KLHL30: variants seen among roughly 807,000 people sequenced by gnomAD.
KLHL30 encodes kelch-like protein 30.
KLHL30 carries 55 observed loss-of-function variants against 55.0 expected under a neutral mutation model. The observed-to-expected ratio is 1.00, with a 90% CI of 0.80 to 1.25. The LOEUF (loss-of-function observed/expected upper bound fraction) is 1.25. Among genes scored for constraint, KLHL30 ranks in the 50% most tolerant of loss-of-function variants. The pLI, the probability that KLHL30 is intolerant of heterozygous loss-of-function variation, is 0.00. For missense variants in KLHL30, 786 were observed against 811.6 expected (o/e 0.97, Z 0.38); for synonymous variants, 356 against 372.6 (o/e 0.96, Z 0.51).
At chr2:238,145,913 G>A (rs989709353) in intron 5 of KLHL30, 81 bp downstream of exon 5, 3 of 1,424,520 alleles carry the variant, frequency 2.1e-6, no homozygotes, top group African/African-American at 2.9e-5. Context: ...AGAGCCCCAT[G>A]CTGGCCTCGG....
At position 238,152,026 on chromosome 2, in the gene KLHL30, C is replaced by G; in HGVS notation, c.*961C>G. Reference sequence around the variant, plus strand: ...ATCCTGAATGAGGCACCCACCTTTGCAGCTAAGGAGACAATGAAGGACTCT... The same window carrying G: ...ATCCTGAATGAGGCACCCACCTTTGGAGCTAAGGAGACAATGAAGGACTCT... On this transcript the variant is annotated 3_prime_UTR_variant, in exon 8 of 8. Transcript: ENST00000409223. 6.1e-6 allele frequency: 6 copies of G among 985,486 alleles called. No homozygotes were observed. The highest frequency in any genetic ancestry group is 7.2e-6 in the Non-Finnish European group (6 of 829,982). The allele number at this position is 985,486 out of a possible 1,614,324, so 61.0% of individuals were successfully genotyped here.
At position 238,144,448 on chromosome 2, in the gene KLHL30, C is replaced by A. The variant is rs374616486; in HGVS notation, c.908-454C>A. On this transcript the variant is annotated intron_variant, in intron 3 of 7. Transcript: ENST00000409223. ...GAAGGAAGGAAGGCAGGCAGGCAGG[C>A]AGGCAGGCAGGCAGGCAGGCAGGCA... Among the ~76,000 whole-genome samples, 830 of 103,492 alleles carry A rather than the reference C, an allele frequency of 8.0e-3. 9 individuals are homozygous for A. The highest frequency in any genetic ancestry group is 0.031 in the East Asian group (110 of 3,520). 67.9% of individuals were successfully genotyped at this position (103,492 alleles called of 152,430 possible).
rs893618914 is a variant in KLHL30 at position 238,147,381 on chromosome 2, A to C, written c.1151-453A>C. Among the ~76,000 whole-genome samples the C allele has an allele frequency of 2.0e-5, 3 of 152,010 alleles. No homozygotes were observed. Among genetic ancestry groups the C allele is most frequent in the Non-Finnish European group, 4.4e-5 (3 of 67,964 alleles). On this transcript the variant is annotated intron_variant, in intron 5 of 7. Transcript: ENST00000409223. This position sits in a 1 kb window ranked among gnomAD's most constrained non-coding sequence, Gnocchi z 5.8. ...GCCCAGGCCAGGGCCTGCTCTCCCC[A>C]GGAGGCGTCCCCATCACTGCCACAC...
intron 2 of KLHL30, 48 bp from the exon 3 acceptor site, chr2:238,142,751 C>T (rs928403154): frequency 1.5e-6 from 2 of 1,354,272 alleles, no homozygotes; most frequent in Non-Finnish European, 1.9e-6. Context: ...GGGCTCAGGG[C>T]ATGGGGACAC....
At chr2:238,148,130 C>G in intron 6 of KLHL30, 108 bp downstream of exon 6, 3 of 1,135,556 alleles carry the variant, frequency 2.6e-6, no homozygotes, top group Non-Finnish European at 3.5e-6. Context: ...TAGACGGGGC[C>G]CGGGGTGGAG....
intron 1 of KLHL30, among the ~76,000 whole-genome samples, chr2:238,139,200 G>A (rs750550648): frequency 2.6e-5 from 4 of 152,214 alleles, no homozygotes; most frequent in Non-Finnish European, 4.4e-5. Context: ...GGGAAGTGGG[G>A]GCGCTCATGC....
Position 238,147,158 on chromosome 2 carries a change from AAAG to A in KLHL30, c.1151-673_1151-671del, listed in dbSNP as rs1489320251. On this transcript the variant is annotated intron_variant, in intron 5 of 7. Coordinates refer to ENST00000409223, the MANE Select transcript of KLHL30 (RefSeq NM_198582.4). The surrounding 1 kb of genome is among the most constrained non-coding windows in gnomAD (Gnocchi z 5.8). ...CAAGACCCTGTCTCAAAAAAAAAAA[AAAG>A]AAAGAAAAGAAAAACAAAACACATG... Among the ~76,000 whole-genome samples, 5 of 151,470 alleles carry A rather than the reference AAAG, an allele frequency of 3.3e-5. No individual in the cohort carries two copies. The highest frequency in any genetic ancestry group is 1.2e-4 in the African/African-American group (5 of 41,238).
At position 238,151,761 on chromosome 2, in the gene KLHL30, C is replaced by G. The variant is rs1189674084; in HGVS notation, c.*696C>G. On this transcript the variant is annotated 3_prime_UTR_variant, in exon 8 of 8. Coordinates refer to ENST00000409223, the MANE Select transcript of KLHL30 (RefSeq NM_198582.4). ...ACAGAGGCACCAGGAAGGAGGGAGGCAGGGCGTGGGGCGGGGCTGGAGGGT... is the reference window on the plus strand; with the variant it reads ...ACAGAGGCACCAGGAAGGAGGGAGGGAGGGCGTGGGGCGGGGCTGGAGGGT... The G allele has an allele frequency of 2.3e-6, 1 of 444,440 alleles. No individual in the cohort carries two copies. The highest frequency in any genetic ancestry group is 1.6e-4 in the East Asian group (1 of 6,404). 27.5% of individuals were successfully genotyped at this position (444,440 alleles called of 1,614,324 possible). A position where few individuals can be genotyped will look rare whatever the true frequency, so the allele number is the denominator to read the frequency against.
chr2:238,140,740 C>T lies in KLHL30; in HGVS notation c.-15C>T. On this transcript the variant is annotated 5_prime_UTR_variant, in exon 2 of 8. Transcript: ENST00000409223. ...TTGAGTGGGTGGACTACTGAGGTCC[C>T]CTGGGCACGGCGTCATGGTGCGGAA... is the stretch of plus-strand genomic sequence containing the variant. The T allele has an allele frequency of 2.7e-6, 4 of 1,488,564 alleles. No individual in the cohort carries two copies. The highest frequency in any genetic ancestry group is 3.6e-6 in the Non-Finnish European group (4 of 1,111,240). 92.2% of individuals were successfully genotyped at this position (1,488,564 alleles called of 1,614,324 possible).
chr2:238,147,833 G>A lies in KLHL30; in HGVS notation c.1151-1G>A, dbSNP rs1398782185. The A allele has an allele frequency of 2.0e-6, 3 of 1,478,674 alleles. No individual in the cohort carries two copies. Among genetic ancestry groups the A allele is most frequent in the South Asian group, 1.4e-5 (1 of 73,218 alleles). 91.6% of individuals were successfully genotyped at this position (1,478,674 alleles called of 1,614,324 possible). A position where few individuals can be genotyped will look rare whatever the true frequency, so the allele number is the denominator to read the frequency against. On this transcript the variant is annotated splice_acceptor_variant, in intron 5 of 7. Coordinates refer to ENST00000409223, the MANE Select transcript of KLHL30 (RefSeq NM_198582.4). LOFTEE classifies it high-confidence loss of function. This position sits in a 1 kb window ranked among gnomAD's most constrained non-coding sequence, Gnocchi z 5.8. Reference sequence around the variant, plus strand: ...GAACTGCCCCCGCCCTCACCCCACAGGCACCACCCTGGACGTGGTGGAGGT... The same window carrying A: ...GAACTGCCCCCGCCCTCACCCCACAAGCACCACCCTGGACGTGGTGGAGGT...
chr2:238,147,768 GCC>G lies in KLHL30; in HGVS notation c.1151-63_1151-62del, dbSNP rs1692672790. 2.8e-6 allele frequency: 3 copies of G among 1,070,444 alleles called. No individual in the cohort carries two copies. The highest frequency in any genetic ancestry group is 2.5e-6 in the Non-Finnish European group (2 of 794,914). The allele number at this position is 1,070,444 out of a possible 1,614,324, so 66.3% of individuals were successfully genotyped here. On this transcript the variant is annotated intron_variant, in intron 5 of 7. Coordinates refer to ENST00000409223, the MANE Select transcript of KLHL30 (RefSeq NM_198582.4). The surrounding 1 kb of genome is among the most constrained non-coding windows in gnomAD (Gnocchi z 5.8). ...CACTTTGCTGCCTTACAAAGCCCCAGCCCCTGAGTTTCCAGGCCTCCCCTCTC... is the reference window on the plus strand; with the variant it reads ...CACTTTGCTGCCTTACAAAGCCCCAGCCTGAGTTTCCAGGCCTCCCCTCTC...
intron 3 of KLHL30, among the ~76,000 whole-genome samples, chr2:238,143,879 T>C (rs1191056540): frequency 6.6e-6 from 1 of 152,214 alleles, no homozygotes; most frequent in African/African-American, 2.4e-5. Context: ...CTGCCCACAG[T>C]GCCAGGCTCT....
chr2:238,140,734 A>G lies in KLHL30; in HGVS notation c.-21A>G, dbSNP rs1407444482. 4.1e-6 allele frequency: 6 copies of G among 1,479,552 alleles called. No individual in the cohort carries two copies. The highest frequency in any genetic ancestry group is 4.5e-6 in the Non-Finnish European group (5 of 1,107,438). 91.7% of individuals were successfully genotyped at this position (1,479,552 alleles called of 1,614,324 possible). On this transcript the variant is annotated 5_prime_UTR_variant, in exon 2 of 8. Coordinates refer to ENST00000409223, the MANE Select transcript of KLHL30 (RefSeq NM_198582.4). ...CTTCCCTTGAGTGGGTGGACTACTGAGGTCCCCTGGGCACGGCGTCATGGT... is the reference window on the plus strand; with the variant it reads ...CTTCCCTTGAGTGGGTGGACTACTGGGGTCCCCTGGGCACGGCGTCATGGT...
chr2:238,149,009 G>T lies in KLHL30; in HGVS notation c.1342G>T (p.Ala448Ser). 1 of 1,594,538 alleles carries T rather than the reference G, an allele frequency of 6.3e-7. No homozygotes were observed. The highest frequency in any genetic ancestry group is 8.5e-7 in the Non-Finnish European group (1 of 1,170,866). ...ALQCYNPVTD[A>S]WSVIASPFLP... ...GCCAGTGCCCGTGCCCCCCACAGAT[G>T]CGTGGAGTGTGATCGCCTCGCCCTT... Residue 448 changes from alanine (A) to serine (S), a missense_variant and splice_region_variant, in exon 7 of 8, where the codon GCG (alanine) becomes TCG (serine). By Grantham distance (99) the Ala-to-Ser change is moderately conservative (BLOSUM62 1). Transcript: ENST00000409223.
At chr2:238,143,242 G>A (rs1423051375) in intron 3 of KLHL30, among the ~76,000 whole-genome samples, 5 of 152,248 alleles carry the variant, frequency 3.3e-5, no homozygotes, top group Non-Finnish European at 7.3e-5. Context: ...TGTGGGGTGG[G>A]CGGCCTGGCC....
Position 238,147,872 on chromosome 2 carries a change from C to A in KLHL30, c.1189C>A (p.Pro397Thr). ...CGTGGTGGAGGTGGAGAGCTATGAC[C>A]CCTACACGGACAGCTGGACGCCCGT... ...LDVVEVESYD[P>T]YTDSWTPVSP... The change falls in exon 6 of 8, where the codon CCC becomes ACC. Residue 397 changes from proline (P) to threonine (T), a missense_variant. Coordinates refer to ENST00000409223, the MANE Select transcript of KLHL30 (RefSeq NM_198582.4). This position sits in a 1 kb window ranked among gnomAD's most constrained non-coding sequence, Gnocchi z 5.8. 2 of 1,591,644 alleles carry A rather than the reference C, an allele frequency of 1.3e-6. No individual in the cohort carries two copies. Among genetic ancestry groups the A allele is most frequent in the South Asian group, 1.1e-5 (1 of 87,924 alleles).
At position 238,152,491 on chromosome 2, in the gene KLHL30, C is replaced by T. The variant is rs1252954769; in HGVS notation, c.*1426C>T. ...TCAAGAGATTCTCCTGCCTTAGCCTCTCAAGTAGCTGGGATTACAGGCACT... is the reference window on the plus strand; with the variant it reads ...TCAAGAGATTCTCCTGCCTTAGCCTTTCAAGTAGCTGGGATTACAGGCACT... On this transcript the variant is annotated 3_prime_UTR_variant, in exon 8 of 8. Transcript: ENST00000409223. 1 of 151,642 alleles carries T rather than the reference C, an allele frequency of 6.6e-6. No individual in the cohort carries two copies. Among genetic ancestry groups the T allele is most frequent in the African/African-American group, 2.4e-5 (1 of 41,156 alleles). The allele number at this position is 151,642 out of a possible 1,614,324, so 9.4% of individuals were successfully genotyped here.
At position 238,148,097 on chromosome 2, in the gene KLHL30, G is replaced by A. The variant is rs1005161614; in HGVS notation, c.1339+75G>A. 6.9e-6 allele frequency: 9 copies of A among 1,298,992 alleles called. No individual in the cohort carries two copies. In the African/African-American group the frequency reaches 1.4e-4, roughly 20 times the overall value. 80.5% of individuals were successfully genotyped at this position (1,298,992 alleles called of 1,614,324 possible). On this transcript the variant is annotated intron_variant, in intron 6 of 7. Coordinates refer to ENST00000409223, the MANE Select transcript of KLHL30 (RefSeq NM_198582.4). ...AGGCGACAGTCCGCTCGTAGTGATG[G>A]TGAGGATTGGGGCTCCTGAGGATAG... is the stretch of plus-strand genomic sequence containing the variant.
intron 6 of KLHL30, 137 bp downstream of exon 6, chr2:238,148,159 C>A: frequency 1.2e-6 from 1 of 823,064 alleles, no homozygotes; most frequent in Non-Finnish European, 1.8e-6. Context: ...CGGCCGCAGG[C>A]CTCTCACAAA....
Sources: allele counts gnomAD v4.1 joint callset (sites outside exome capture counted in the v4.1 genomes callset), GRCh38; gene constraint gnomAD v4.1.1; non-coding constraint Gnocchi (gnomAD v3.1); transcripts MANE v1.5; gene names NCBI Gene and HGNC (gene_info 2026-07-23, HGNC 2026-07-21).